The following PDE5A variants were observed in gnomAD, a reference collection of about 807,000 sequenced individuals.
The protein encoded by PDE5A is phosphodiesterase 5A.
A neutral mutation model predicts 110.2 loss-of-function variants in PDE5A; 67 were observed. The ratio of observed to expected loss-of-function variants is 0.61; its 90% CI spans 0.50 to 0.75. The LOEUF (loss-of-function observed/expected upper bound fraction) is 0.75, where lower values mean the gene tolerates loss of function less well. PDE5A is among the 30% of genes least tolerant of loss of function. The pLI, the probability that PDE5A is intolerant of heterozygous loss-of-function variation, is 0.00. For missense variants in PDE5A, 862 were observed against 1,045.1 expected (o/e 0.82, Z 2.42); for synonymous variants, 328 against 351.2 (o/e 0.93, Z 0.74).
chr4:119,619,886 T>A (rs1281204054), intron 1 of PDE5A, among the ~76,000 whole-genome samples: 1 of 152,242 alleles, frequency 6.6e-6, no homozygotes, highest in Non-Finnish European at 1.5e-5. Flanking sequence ...CCTAAGGCTG[T>A]CCTATCTAGG....
chr4:119,504,039 C>T (rs1725469929), intron 18 of PDE5A, among the ~76,000 whole-genome samples: 2 of 151,922 alleles, frequency 1.3e-5, no homozygotes, highest in Non-Finnish European at 2.9e-5. Flanking sequence ...TTCTAGTATA[C>T]CCATTACCCA....
At chr4:119,586,134 A>T (rs1199496678) in intron 3 of PDE5A, among the ~76,000 whole-genome samples, 3 of 152,250 alleles carry the variant, frequency 2.0e-5, no homozygotes, top group Non-Finnish European at 4.4e-5. Flanking sequence ...GTTGCAAGAG[A>T]TAACCAATAC....
chr4:119,544,583 C>T (rs1360606605), intron 9 of PDE5A, among the ~76,000 whole-genome samples: 1 of 152,184 alleles, frequency 6.6e-6, no homozygotes, highest in Non-Finnish European at 1.5e-5. Context: ...ATTTCATGCC[C>T]TTATCCTCAC....
At chr4:119,554,234 T>C (rs993145301) in intron 7 of PDE5A, among the ~76,000 whole-genome samples, 5 of 152,186 alleles carry the variant, frequency 3.3e-5, no homozygotes, top group African/African-American at 4.8e-5. Context: ...AAGTCTATTT[T>C]CTTTCTCCTT....
intron 1 of PDE5A, among the ~76,000 whole-genome samples, chr4:119,612,191 T>C (rs1212067217): frequency 2.0e-5 from 3 of 152,190 alleles, no homozygotes; most frequent in Non-Finnish European, 4.4e-5. Flanking sequence ...ATAGGATTAG[T>C]GCCTGATGTA....
intron 1 of PDE5A, among the ~76,000 whole-genome samples, chr4:119,624,556 A>G (rs751467012): frequency 6.6e-6 from 1 of 152,234 alleles, no homozygotes; most frequent in Non-Finnish European, 1.5e-5. Flanking sequence ...AAGCTGTCAT[A>G]AAAACTTGCC....
At chr4:119,561,851 T>A (rs1341774858) in intron 6 of PDE5A, among the ~76,000 whole-genome samples, 1 of 152,216 alleles carries the variant, frequency 6.6e-6, no homozygotes, top group African/African-American at 2.4e-5. Context: ...ATGGTTGAGA[T>A]GTTGGGTCAT....
At chr4:119,588,125 A>G (rs1002656308) in intron 3 of PDE5A, among the ~76,000 whole-genome samples, 9 of 151,148 alleles carry the variant, frequency 6.0e-5, no homozygotes, top group Non-Finnish European at 1.2e-4. Context: ...CACCTTATAT[A>G]GATATTTAAT....
Position 119,606,691 on chromosome 4 carries a change from T to C in PDE5A, c.741+18A>G. The C allele has an allele frequency of 6.3e-7, 1 of 1,593,588 alleles. No individual in the cohort carries two copies. Among genetic ancestry groups the C allele is most frequent in the Non-Finnish European group, 8.6e-7 (1 of 1,162,662 alleles). The stretch of plus-strand genomic sequence containing the variant: ...CCCCTCCCCAGCACTGGTCCTGCTC[T>C]CATGCTCCCCTGTTTACCTCATATG... On this transcript the variant is annotated intron_variant, in intron 2 of 20. Transcript: ENST00000354960.
At chr4:119,622,222 C>T (rs1198444525) in intron 1 of PDE5A, among the ~76,000 whole-genome samples, 1 of 151,630 alleles carries the variant, frequency 6.6e-6, no homozygotes, top group African/African-American at 2.4e-5. Context: ...TCCCTACTAA[C>T]TCTAAATTTC....
chr4:119,566,198 C>T lies in PDE5A; in HGVS notation c.904-788G>A, dbSNP rs1430737547. On this transcript the variant is annotated intron_variant, in intron 4 of 20. Coordinates refer to ENST00000354960, the MANE Select transcript of PDE5A (RefSeq NM_001083.4). ...AACAGGAGCCTAGATGTCTATTACT[C>T]GATTTAAAAAGTATTTGCTATGTTC... Among the ~76,000 whole-genome samples the T allele has an allele frequency of 2.0e-5, 3 of 151,978 alleles. No homozygotes were observed. In the South Asian group the frequency reaches 6.2e-4, roughly 31 times the overall value.
At chr4:119,504,418 T>C in intron 18 of PDE5A, 118 bp downstream of exon 18, 1 of 709,634 alleles carries the variant, frequency 1.4e-6, no homozygotes, top group Non-Finnish European at 2.4e-6. Flanking sequence ...GATGAACATA[T>C]AAGTGTCTTT....
chr4:119,555,526 A>G (rs949397203), intron 7 of PDE5A, among the ~76,000 whole-genome samples: 5 of 152,326 alleles, frequency 3.3e-5, no homozygotes, highest in Non-Finnish European at 5.9e-5. Flanking sequence ...AGTGAACAAA[A>G]GAAGAAAAAT....
intron 1 of PDE5A, among the ~76,000 whole-genome samples, chr4:119,612,369 A>G (rs985082795): frequency 6.6e-6 from 1 of 152,136 alleles, no homozygotes; most frequent in Non-Finnish European, 1.5e-5. Flanking sequence ...TGTTTGTTTA[A>G]AAGTACATGG....
chr4:119,589,905 T>C (rs537787849), intron 3 of PDE5A, among the ~76,000 whole-genome samples: 1 of 152,216 alleles, frequency 6.6e-6, no homozygotes, highest in Non-Finnish European at 1.5e-5. Context: ...TGCTTCTGCA[T>C]GTAGCCACAT....
chr4:119,565,968 TATAATTAATA>T (rs1029949956), intron 4 of PDE5A, among the ~76,000 whole-genome samples: 247 of 142,516 alleles, frequency 1.7e-3, no homozygotes, highest in African/African-American at 5.5e-3. Flanking sequence ...TTAATATTAT[TATAATTAATA>T]ATAATTAATA....
At chr4:119,576,758 T>G (rs1728367004) in intron 3 of PDE5A, among the ~76,000 whole-genome samples, 1 of 151,918 alleles carries the variant, frequency 6.6e-6, no homozygotes, top group Non-Finnish European at 1.5e-5. Flanking sequence ...ATTGACACCC[T>G]AACACCACAA....
chr4:119,572,286 G>A (rs1728168351), intron 3 of PDE5A, among the ~76,000 whole-genome samples: 1 of 152,122 alleles, frequency 6.6e-6, no homozygotes, highest in African/African-American at 2.4e-5. Flanking sequence ...TATTTTACAT[G>A]TACTCAAAAG....
In PDE5A at chr4:119,498,261, C is replaced by A; in HGVS notation, c.*340G>T. 5.6e-6 allele frequency: 1 copy of A among 178,040 alleles called. No homozygotes were observed. The highest frequency in any genetic ancestry group is 2.4e-5 in the African/African-American group (1 of 42,458). 11.0% of individuals were successfully genotyped at this position (178,040 alleles called of 1,614,324 possible). ...ATGGTAATTCAGAAAACACAAAAAC[C>A]AATTATTTAAAATAATCCCCAAGCA... On this transcript the variant is annotated 3_prime_UTR_variant, in exon 21 of 21. Transcript: ENST00000354960.
Sources: gnomAD v4.1 joint callset for allele counts (sites outside exome capture counted in the v4.1 genomes callset) on GRCh38, gnomAD v4.1.1 for gene constraint, MANE v1.5 for transcripts, NCBI Gene and HGNC (gene_info 2026-07-23, HGNC 2026-07-21) for gene names.